The following HS6ST3 variants were observed in gnomAD, a reference collection of about 807,000 sequenced individuals.
The protein encoded by HS6ST3 is heparan sulfate 6-O-sulfotransferase 3.
Under a neutral mutation model 36.7 loss-of-function variants are expected in HS6ST3, and 12 were observed. That is an observed-to-expected ratio of 0.33 (90% CI 0.21 to 0.53). HS6ST3 has a LOEUF of 0.53. HS6ST3 is among the 20% of genes least tolerant of loss of function. The probability of loss-of-function intolerance (pLI) is 0.95; values close to 1 mark genes in which losing one functional copy is unlikely to be tolerated. For missense variants in HS6ST3, 584 were observed against 640.9 expected (o/e 0.91, Z 0.96); for synonymous variants, 240 against 257.5 (o/e 0.93, Z 0.65).
At chr13:96,559,100 A>G (rs950810181) in intron 1 of HS6ST3, among the ~76,000 whole-genome samples, 7 of 149,672 alleles carry the variant, frequency 4.7e-5, no homozygotes, top group Non-Finnish European at 9.0e-5. Flanking sequence ...CTATCTATCT[A>G]TCTATCTATC....
At chr13:96,331,542 A>G (rs1332053726) in intron 1 of HS6ST3, among the ~76,000 whole-genome samples, 4 of 151,996 alleles carry the variant, frequency 2.6e-5, no homozygotes, top group African/African-American at 7.2e-5. Flanking sequence ...GCCCGTTCTC[A>G]GATCTCCAGC....
intron 1 of HS6ST3, among the ~76,000 whole-genome samples, chr13:96,238,181 T>C (rs1322124330): frequency 6.6e-6 from 1 of 152,230 alleles, no homozygotes; most frequent in Non-Finnish European, 1.5e-5. Context: ...TCATCCTTGC[T>C]TGTCCCTTTT....
chr13:96,334,784 A>G (rs973257563), intron 1 of HS6ST3, among the ~76,000 whole-genome samples: 3 of 152,212 alleles, frequency 2.0e-5, no homozygotes, highest in Non-Finnish European at 4.4e-5. Context: ...ACACTTGAGA[A>G]TTATGGGAGC....
intron 1 of HS6ST3, among the ~76,000 whole-genome samples, chr13:96,818,632 C>G (rs550175955): frequency 1.3e-5 from 2 of 152,328 alleles, no homozygotes; most frequent in African/African-American, 2.4e-5. Flanking sequence ...ATTTTGTCTT[C>G]AATGCACAGG....
At chr13:96,353,650 A>G (rs900595685) in intron 1 of HS6ST3, among the ~76,000 whole-genome samples, 2 of 152,178 alleles carry the variant, frequency 1.3e-5, no homozygotes, top group Admixed American at 6.5e-5. Flanking sequence ...AAAATGTATC[A>G]TAAGTAATCA....
chr13:96,293,085 A>G (rs1428704336), intron 1 of HS6ST3, among the ~76,000 whole-genome samples: 2 of 152,112 alleles, frequency 1.3e-5, no homozygotes, highest in African/African-American at 2.4e-5. Context: ...ATAAAATAGT[A>G]TAGATATTTA....
chr13:96,305,318 TC>T (rs942617191), intron 1 of HS6ST3, among the ~76,000 whole-genome samples: 2 of 152,182 alleles, frequency 1.3e-5, no homozygotes, highest in African/African-American at 4.8e-5. Context: ...TTACCATACT[TC>T]ATGAATATTT....
intron 1 of HS6ST3, among the ~76,000 whole-genome samples, chr13:96,795,462 A>G (rs1469088032): frequency 1.3e-5 from 2 of 152,068 alleles, no homozygotes; most frequent in Non-Finnish European, 2.9e-5. Flanking sequence ...AAGGCCATGT[A>G]GCTCATCAGT....
At position 96,504,841 on chromosome 13, in the gene HS6ST3, G is replaced by A. The variant is rs4520699; in HGVS notation, c.708-327649G>A. ...ATAAAAATATATAAAATGTTGTTAC[G>A]TAAGTCTTAGGTAATAGACATAAAG... On this transcript the variant is annotated intron_variant, in intron 1 of 1. Coordinates refer to ENST00000376705, the MANE Select transcript of HS6ST3 (RefSeq NM_153456.4). 5.7e-3 allele frequency among the ~76,000 whole-genome samples: 862 copies of A among 152,184 alleles called. 10 individuals carry two copies. Among genetic ancestry groups the A allele is most frequent in the African/African-American group, 0.015 (634 of 41,524 alleles).
chr13:96,449,123 G>A (rs906964089), intron 1 of HS6ST3, among the ~76,000 whole-genome samples: 13 of 151,898 alleles, frequency 8.6e-5, no homozygotes, highest in Admixed American at 1.3e-4. Context: ...CACCATACCC[G>A]GCTAATTTTT....
At chr13:96,637,147 A>G (rs1249872314) in intron 1 of HS6ST3, among the ~76,000 whole-genome samples, 4 of 152,172 alleles carry the variant, frequency 2.6e-5, no homozygotes, top group African/African-American at 9.7e-5. Context: ...AAAGGTTATT[A>G]TATAACTCTG....
chr13:96,504,085 C>T (rs1397184532), intron 1 of HS6ST3, among the ~76,000 whole-genome samples: 1 of 152,170 alleles, frequency 6.6e-6, no homozygotes, highest in Non-Finnish European at 1.5e-5. Flanking sequence ...CTCCAAATAC[C>T]ATCACAGTGG....
chr13:96,657,103 A>T (rs2056628606), intron 1 of HS6ST3, among the ~76,000 whole-genome samples: 1 of 151,968 alleles, frequency 6.6e-6, no homozygotes, highest in Non-Finnish European at 1.5e-5. Flanking sequence ...AGCAGGAAAT[A>T]ATCAAAGGTA....
intron 1 of HS6ST3, among the ~76,000 whole-genome samples, chr13:96,123,586 T>C (rs1042214084): frequency 1.3e-5 from 2 of 152,168 alleles, no homozygotes; most frequent in Non-Finnish European, 2.9e-5. Context: ...CTGTCACTCT[T>C]AGAGAGCAAC....
chr13:96,625,901 C>T (rs953052684), intron 1 of HS6ST3, among the ~76,000 whole-genome samples: 4 of 151,404 alleles, frequency 2.6e-5, no homozygotes, highest in Admixed American at 6.6e-5. Context: ...AATCCAGTGG[C>T]GCGATCTCGG....
At chr13:96,258,966 G>A (rs1184297724) in intron 1 of HS6ST3, among the ~76,000 whole-genome samples, 3 of 152,090 alleles carry the variant, frequency 2.0e-5, no homozygotes, top group Non-Finnish European at 4.4e-5. Context: ...CTCTAACTGG[G>A]GAGAGCTTCA....
At chr13:96,645,976 CAA>C (rs933669725) in intron 1 of HS6ST3, among the ~76,000 whole-genome samples, 1 of 140,262 alleles carries the variant, frequency 7.1e-6, no homozygotes, top group Non-Finnish European at 1.6e-5. Context: ...GATGCTATTA[CAA>C]AAAAAAAAAG....
intron 1 of HS6ST3, among the ~76,000 whole-genome samples, chr13:96,164,461 G>A (rs767044153): frequency 5.3e-5 from 8 of 151,548 alleles, no homozygotes; most frequent in Admixed American, 2.0e-4. Context: ...GGAGGCTGAC[G>A]CAGGAGTATT....
chr13:96,601,366 A>C (rs2056421053), intron 1 of HS6ST3, among the ~76,000 whole-genome samples: 1 of 151,904 alleles, frequency 6.6e-6, no homozygotes, highest in Non-Finnish European at 1.5e-5. Context: ...GTTAATTTGT[A>C]AGTTTTGTCT....
Sources: allele counts gnomAD v4.1 joint callset (sites outside exome capture counted in the v4.1 genomes callset), GRCh38; gene constraint gnomAD v4.1.1; transcripts MANE v1.5; gene names NCBI Gene and HGNC (gene_info 2026-07-23, HGNC 2026-07-21).